Variants in FARP1 observed in about 807,000 individuals in gnomAD.
FARP1 encodes FERM, ARH/RhoGEF and pleckstrin domain protein 1.
A neutral mutation model predicts 128.8 loss-of-function variants in FARP1; 52 were observed. That is an observed-to-expected ratio of 0.40 (90% confidence interval 0.32 to 0.51). FARP1 has a LOEUF of 0.51. Ranked by LOEUF, FARP1 falls within the 20% of genes least tolerant of loss-of-function variation. The pLI is 0.45. For missense variants in FARP1, 1,333 were observed against 1,367.9 expected, an observed-to-expected ratio of 0.97 and a Z score of 0.40; for synonymous variants, 580 against 551.8, an observed-to-expected ratio of 1.05 and a Z score of -0.72.
chr13:98,340,680 G>A (rs1887930333), intron 2 of FARP1: 1 of 152,124 alleles, frequency 6.6e-6, no homozygotes, highest in Non-Finnish European at 1.5e-5. Flanking sequence ...AGATTTTATT[G>A]GAGTGAGAGG....
chr13:98,271,081 G>T (rs538780909), intron 2 of FARP1, among the ~76,000 whole-genome samples: 1 of 152,206 alleles, frequency 6.6e-6, no homozygotes, highest in Non-Finnish European at 1.5e-5. Context: ...CCCAAGTCAG[G>T]ATGACAGAAG....
At chr13:98,361,397 C>G (rs965273500) in intron 3 of FARP1, among the ~76,000 whole-genome samples, 1 of 152,204 alleles carries the variant, frequency 6.6e-6, no homozygotes, top group Non-Finnish European at 1.5e-5. Context: ...TTGATGCTTT[C>G]CACAGAAATG....
At chr13:98,326,682 C>T (rs1887249733) in intron 2 of FARP1, among the ~76,000 whole-genome samples, 1 of 152,180 alleles carries the variant, frequency 6.6e-6, no homozygotes, top group Non-Finnish European at 1.5e-5. Context: ...GGATATGCAG[C>T]TCCAATAAAC....
At chr13:98,216,083 C>A (rs571024996) in intron 2 of FARP1, among the ~76,000 whole-genome samples, 1 of 152,292 alleles carries the variant, frequency 6.6e-6, no homozygotes, top group South Asian at 2.1e-4. Context: ...GCCATCACAC[C>A]TGGCCATATT....
chr13:98,291,148 A>G (rs1885429761), intron 2 of FARP1, among the ~76,000 whole-genome samples: 1 of 152,194 alleles, frequency 6.6e-6, no homozygotes, highest in South Asian at 2.1e-4. Context: ...AGCCTTACCA[A>G]TAACATAGTC....
chr13:98,327,488 A>G (rs1024805655), intron 2 of FARP1, among the ~76,000 whole-genome samples: 1 of 152,214 alleles, frequency 6.6e-6, no homozygotes, highest in Admixed American at 6.5e-5. Flanking sequence ...CTGAGCAAAA[A>G]ACTCAAAACC....
intron 2 of FARP1, among the ~76,000 whole-genome samples, chr13:98,290,054 C>CT (rs57453120): frequency 0.049 from 6,706 of 136,198 alleles, 497 homozygotes; most frequent in African/African-American, 0.16. Context: ...GGAGATTTAT[C>CT]TTTTTTTTTT....
chr13:98,274,446 T>C (rs9517242), intron 2 of FARP1, among the ~76,000 whole-genome samples: 3,700 of 152,254 alleles, frequency 0.024, 78 homozygotes, highest in South Asian at 0.11. Context: ...GTTTATTTCA[T>C]TGATTAATGG....
At chr13:98,405,730 G>A (rs1890946462) in intron 13 of FARP1, 1 of 152,178 alleles carries the variant, frequency 6.6e-6, no homozygotes, top group South Asian at 2.1e-4. Flanking sequence ...AATAGCAGGT[G>A]CTTCCTCTTA....
intron 3 of FARP1, among the ~76,000 whole-genome samples, chr13:98,351,015 C>T (rs1370954067): frequency 5.8e-5 from 8 of 138,074 alleles, no homozygotes; most frequent in African/African-American, 1.3e-4. Context: ...TGCCCAGCCT[C>T]GCCTCCCCTG....
At position 98,191,753 on chromosome 13, in the gene FARP1, G is replaced by A. The variant is rs1459876243; in HGVS notation, c.-23-21467G>A. 1.4e-4 allele frequency among the ~76,000 whole-genome samples: 21 copies of A among 152,254 alleles called. No homozygotes were observed. The East Asian group carries it at 4.1e-3, about 29-fold the overall frequency. On this transcript the variant is annotated intron_variant, in intron 1 of 26. Coordinates refer to ENST00000319562, the MANE Select transcript of FARP1 (RefSeq NM_005766.4). Reference sequence around the variant, plus strand: ...AGGTTAGGAGTTTGAGACCAACTTGGCCAACATGGAAAAACCCCGTCCCTA... The same window carrying A: ...AGGTTAGGAGTTTGAGACCAACTTGACCAACATGGAAAAACCCCGTCCCTA...
chr13:98,289,666 G>A (rs1885357730), intron 2 of FARP1, among the ~76,000 whole-genome samples: 1 of 152,114 alleles, frequency 6.6e-6, no homozygotes, highest in Non-Finnish European at 1.5e-5. Flanking sequence ...AGCCCTGCAG[G>A]ACCCCTCTGG....
At chr13:98,189,864 G>A (rs1434127642) in intron 1 of FARP1, among the ~76,000 whole-genome samples, 2 of 152,058 alleles carry the variant, frequency 1.3e-5, no homozygotes, top group Non-Finnish European at 2.9e-5. Flanking sequence ...AAGCCTTTTG[G>A]GTTGGCTATT....
intron 5 of FARP1, among the ~76,000 whole-genome samples, chr13:98,376,817 T>C (rs1267122609): frequency 6.6e-6 from 1 of 150,802 alleles, no homozygotes; most frequent in African/African-American, 2.4e-5. Context: ...ATCTTTTGGA[T>C]ATGAGCCATT....
intron 13 of FARP1, chr13:98,403,766 G>A (rs3825436): frequency 0.54 from 82,776 of 152,012 alleles, 24,637 homozygotes; most frequent in Non-Finnish European, 0.68. Context: ...CAATGAGCTT[G>A]GTGGTTCTTT....
chr13:98,180,562 A>C (rs1036341524), intron 1 of FARP1, among the ~76,000 whole-genome samples: 9 of 152,112 alleles, frequency 5.9e-5, no homozygotes, highest in African/African-American at 2.2e-4. Flanking sequence ...TTTGTCTTGA[A>C]ATTGGCATGC....
chr13:98,168,122 A>G (rs1877400162), intron 1 of FARP1, among the ~76,000 whole-genome samples: 1 of 151,842 alleles, frequency 6.6e-6, no homozygotes, highest in East Asian at 1.9e-4. Flanking sequence ...CAGTGAGCCA[A>G]GATCGTGCCA....
At chr13:98,193,607 T>G (rs553430840) in intron 1 of FARP1, among the ~76,000 whole-genome samples, 1 of 152,336 alleles carries the variant, frequency 6.6e-6, no homozygotes, top group Admixed American at 6.5e-5. Context: ...TCTGGAGACA[T>G]TCTTTAATTA....
chr13:98,352,631 T>C (rs917549619), intron 3 of FARP1, among the ~76,000 whole-genome samples: 2 of 152,200 alleles, frequency 1.3e-5, no homozygotes, highest in African/African-American at 2.4e-5. Flanking sequence ...AATTTTCACA[T>C]AAAAATGAGT....
Sources: gnomAD v4.1 joint callset for allele counts (sites outside exome capture counted in the v4.1 genomes callset) on GRCh38, gnomAD v4.1.1 for gene constraint, MANE v1.5 for transcripts, NCBI Gene and HGNC (gene_info 2026-07-23, HGNC 2026-07-21) for gene names.